Variants in TGFBR2 observed in about 807,000 individuals in gnomAD.
TGFBR2 encodes the protein transforming growth factor beta receptor 2, also known as TGF-beta receptor type-2.
In TGFBR2, 18 loss-of-function variants were observed where a neutral mutation model predicts 49.0. The ratio of observed to expected loss-of-function variants is 0.37; its 90% CI spans 0.25 to 0.54. TGFBR2 has a LOEUF of 0.54. TGFBR2 is among the 20% of genes least tolerant of loss of function. The pLI is 0.85. For synonymous variants in TGFBR2, 282 were observed against 275.9 expected, an observed-to-expected ratio of 1.02 and a Z score of -0.22; for missense variants, 525 against 722.6, an observed-to-expected ratio of 0.73 and a Z score of 3.13.
intron 3 of TGFBR2, among the ~76,000 whole-genome samples, chr3:30,659,321 A>G (rs182249574): frequency 4.6e-5 from 7 of 152,294 alleles, no homozygotes; most frequent in Admixed American, 4.6e-4. Context: ...CTGAGAAGAG[A>G]AATCAGTTAT....
At chr3:30,614,256 G>C in intron 1 of TGFBR2, among the ~76,000 whole-genome samples, 1 of 151,736 alleles carries the variant, frequency 6.6e-6, no homozygotes, top group Middle Eastern at 3.4e-3. Flanking sequence ...ACCAAAAAAA[G>C]GCTTGGTTCT....
chr3:30,643,709 A>G (rs1698682580), intron 1 of TGFBR2, among the ~76,000 whole-genome samples: 1 of 152,220 alleles, frequency 6.6e-6, no homozygotes, highest in South Asian at 2.1e-4. Context: ...TCTTCCTGGC[A>G]CTGGAGATAT....
At position 30,673,945 on chromosome 3, in the gene TGFBR2, T is replaced by A. The variant is rs368035950; in HGVS notation, c.1255-160T>A. On this transcript the variant is annotated intron_variant, in intron 4 of 6. Transcript: ENST00000295754. ...GAACATCTATTTTAAAAAATAACCA[T>A]CTATCTGTACCTTTCTGTGCATTTC... Among the ~76,000 whole-genome samples the A allele has an allele frequency of 2.6e-3, 392 of 152,242 alleles. 4 individuals carry two copies. The highest frequency in any genetic ancestry group is 0.02 in the Middle Eastern group (6 of 294).
At chr3:30,653,710 T>C (rs1698943132) in intron 3 of TGFBR2, among the ~76,000 whole-genome samples, 1 of 152,220 alleles carries the variant, frequency 6.6e-6, no homozygotes, top group South Asian at 2.1e-4. Flanking sequence ...ATTATGTACA[T>C]CTACCTTTTT....
At position 30,672,099 on chromosome 3, in the gene TGFBR2, C is replaced by T. The variant is rs2125435085; in HGVS notation, c.916C>T (p.Gln306Ter). ...DINLKHENIL[Q>*]FLTAEERKTE... ...CAATCTGAAGCATGAGAACATACTC[C>T]AGTTCCTGACGGCTGAGGAGCGGAA... Residue 306 changes from glutamine to a stop codon, truncating the protein, a stop_gained, in exon 4 of 7, where the codon CAG (glutamine) becomes TAG (stop). Coordinates refer to ENST00000295754, the MANE Select transcript of TGFBR2 (RefSeq NM_003242.6). LOFTEE classifies it high-confidence loss of function. This position sits in a 1 kb window ranked among gnomAD's most constrained non-coding sequence, Gnocchi z 4.5. 1 of 1,614,194 alleles carries T rather than the reference C, an allele frequency of 6.2e-7. No individual in the cohort carries two copies. The highest frequency in any genetic ancestry group is 8.5e-7 in the Non-Finnish European group (1 of 1,180,022).
intron 1 of TGFBR2, among the ~76,000 whole-genome samples, chr3:30,633,869 T>C (rs1698481423): frequency 6.6e-6 from 1 of 152,236 alleles, no homozygotes; most frequent in Non-Finnish European, 1.5e-5. Flanking sequence ...AATTTCTGCT[T>C]TAGCTTCTCA....
chr3:30,662,566 T>C (rs2125423786), intron 3 of TGFBR2, among the ~76,000 whole-genome samples: 1 of 152,364 alleles, frequency 6.6e-6, no homozygotes, highest in East Asian at 1.9e-4. Context: ...AACAGTGCTA[T>C]CAATAGCTAG....
chr3:30,667,213 A>G (rs1270689347), intron 3 of TGFBR2, among the ~76,000 whole-genome samples: 2 of 152,236 alleles, frequency 1.3e-5, no homozygotes, highest in Non-Finnish European at 2.9e-5. Context: ...CACAGCCAGG[A>G]ACTTAGTAAG....
intron 5 of TGFBR2, 133 bp from the exon 6 acceptor site, chr3:30,688,251 G>C (rs958512261): frequency 1.4e-5 from 16 of 1,121,232 alleles, no homozygotes; most frequent in Admixed American, 1.0e-4. Flanking sequence ...ATTAAAATTT[G>C]CTCTTAGAGT....
rs1306157681 is a variant in TGFBR2, at chr3:30,626,107, G to A, written c.95-18640G>A. On this transcript the variant is annotated intron_variant, in intron 1 of 6. Transcript: ENST00000295754. Reference sequence around the variant, plus strand: ...TTATTGTTTTAAAAGATCCCCAGATGATTCCGATGTGGAACCATGTTGAGA... The same window carrying A: ...TTATTGTTTTAAAAGATCCCCAGATAATTCCGATGTGGAACCATGTTGAGA... Among the ~76,000 whole-genome samples, 4 of 152,184 alleles carry A rather than the reference G, an allele frequency of 2.6e-5. No homozygotes were observed. In the East Asian group the frequency reaches 7.7e-4, roughly 29 times the overall value.
At chr3:30,661,844 G>A (rs144676216) in intron 3 of TGFBR2, among the ~76,000 whole-genome samples, 24 of 152,308 alleles carry the variant, frequency 1.6e-4, no homozygotes, top group Non-Finnish European at 2.5e-4. Context: ...AATAGCAAGC[G>A]TGGTTTCAGA....
intron 5 of TGFBR2, among the ~76,000 whole-genome samples, chr3:30,674,681 C>T (rs183726917): frequency 6.6e-6 from 1 of 151,964 alleles, no homozygotes; most frequent in East Asian, 1.9e-4. Context: ...CTTTTATGGA[C>T]ATGACATTGT....
intron 3 of TGFBR2, among the ~76,000 whole-genome samples, chr3:30,668,028 G>GT (rs557985753): frequency 6.6e-6 from 1 of 151,980 alleles, no homozygotes; most frequent in African/African-American, 2.4e-5. Context: ...TAGTTTTATT[G>GT]TTTTTTAAAC....
chr3:30,609,734 T>G (rs1697996373), intron 1 of TGFBR2, among the ~76,000 whole-genome samples: 1 of 152,194 alleles, frequency 6.6e-6, no homozygotes, highest in African/African-American at 2.4e-5. Flanking sequence ...GTTCTTCACA[T>G]CACTTTAATA....
At chr3:30,647,899 G>T (rs1175100669) in intron 2 of TGFBR2, among the ~76,000 whole-genome samples, 1 of 151,950 alleles carries the variant, frequency 6.6e-6, no homozygotes, top group South Asian at 2.1e-4. Flanking sequence ...GGCTGGTCTC[G>T]AACTCCTGAC....
At chr3:30,638,361 A>G (rs1309472373) in intron 1 of TGFBR2, among the ~76,000 whole-genome samples, 1 of 152,166 alleles carries the variant, frequency 6.6e-6, no homozygotes, top group Non-Finnish European at 1.5e-5. Context: ...CTACAAAAAT[A>G]TTTGCATAAG....
At chr3:30,612,595 C>T (rs1698049188) in intron 1 of TGFBR2, among the ~76,000 whole-genome samples, 1 of 152,146 alleles carries the variant, frequency 6.6e-6, no homozygotes, top group African/African-American at 2.4e-5. Flanking sequence ...AACTCTACAG[C>T]CCACAGTTTG....
rs187662046 is a variant in TGFBR2 at position 30,669,503 on chromosome 3, G to T, written c.455-2135G>T. Reference sequence around the variant, plus strand: ...TGAATGTGCTGGATTTTATAGTCCCGTTTGAAGAGGCGGTGTCTGATTTAC... The same window carrying T: ...TGAATGTGCTGGATTTTATAGTCCCTTTTGAAGAGGCGGTGTCTGATTTAC... On this transcript the variant is annotated intron_variant, in intron 3 of 6. Coordinates refer to ENST00000295754, the MANE Select transcript of TGFBR2 (RefSeq NM_003242.6). Among the ~76,000 whole-genome samples the T allele has an allele frequency of 3.4e-3, 511 of 152,238 alleles. 5 individuals carry two copies. The highest frequency in any genetic ancestry group is 0.012 in the African/African-American group (494 of 41,544).
At chr3:30,607,123 G>T in intron 1 of TGFBR2, 146 bp downstream of exon 1, 1 of 651,752 alleles carries the variant, frequency 1.5e-6, no homozygotes, top group Non-Finnish European at 2.7e-6. Flanking sequence ...CACGCAGCCC[G>T]ACTCCCGTAG....
Sources: gnomAD v4.1 joint callset for allele counts (sites outside exome capture counted in the v4.1 genomes callset) on GRCh38, gnomAD v4.1.1 for gene constraint, Gnocchi (gnomAD v3.1) non-coding constraint, MANE v1.5 for transcripts, NCBI Gene and HGNC (gene_info 2026-07-23, HGNC 2026-07-21) for gene names.